XPO7: variants seen among roughly 807,000 people sequenced by gnomAD.
XPO7 encodes exportin 7, also known as exportin-7.
A neutral mutation model predicts 144.3 loss-of-function variants in XPO7; 21 were observed. The ratio of observed to expected loss-of-function variants is 0.15; its 90% CI spans 0.10 to 0.21. XPO7 has a LOEUF of 0.21. Ranked by LOEUF, XPO7 falls within the 10% of genes least tolerant of loss-of-function variation. The probability of loss-of-function intolerance (pLI) is 1.00; values close to 1 mark genes in which losing one functional copy is unlikely to be tolerated. For synonymous variants in XPO7, 580 were observed against 499.6 expected, an observed-to-expected ratio of 1.16 and a Z score of -2.15; for missense variants, 808 against 1,325.8, an observed-to-expected ratio of 0.61 and a Z score of 6.06.
chr8:21,926,690 C>G (rs1810469730), intron 1 of XPO7, among the ~76,000 whole-genome samples: 4 of 151,680 alleles, frequency 2.6e-5, no homozygotes, highest in Non-Finnish European at 2.9e-5. Context: ...AAAGTTTGCT[C>G]TGAAAAAGAT....
chr8:21,991,709 A>G (rs148192324), intron 18 of XPO7, 159 bp from the exon 19 acceptor site: 21 of 522,612 alleles, frequency 4.0e-5, no homozygotes, highest in African/African-American at 3.6e-4. Flanking sequence ...GTTTCTATAT[A>G]TACATGTTGC....
intron 19 of XPO7, among the ~76,000 whole-genome samples, chr8:21,993,295 C>G (rs568215527): frequency 3.9e-4 from 59 of 152,318 alleles, no homozygotes; most frequent in African/African-American, 1.4e-3. Flanking sequence ...CTGTCACCCA[C>G]TTCTTTGTCA....
chr8:22,000,758 A>T (rs1386539645), intron 24 of XPO7, among the ~76,000 whole-genome samples: 1 of 152,116 alleles, frequency 6.6e-6, no homozygotes, highest in Non-Finnish European at 1.5e-5. Flanking sequence ...TGGCCCAACA[A>T]TCTTAGTAGG....
intron 2 of XPO7, among the ~76,000 whole-genome samples, chr8:21,968,012 T>C (rs1811941310): frequency 6.6e-6 from 1 of 152,210 alleles, no homozygotes; most frequent in Non-Finnish European, 1.5e-5. Context: ...AGTGCAGTCC[T>C]CATATTTTTC....
At chr8:21,939,567 C>A (rs1810926301) in intron 1 of XPO7, among the ~76,000 whole-genome samples, 1 of 152,158 alleles carries the variant, frequency 6.6e-6, no homozygotes, top group South Asian at 2.1e-4. Context: ...TTCCAACAAC[C>A]AAGTAATGAC....
chr8:21,928,867 C>G (rs190213027), intron 1 of XPO7, among the ~76,000 whole-genome samples: 1 of 152,148 alleles, frequency 6.6e-6, no homozygotes, highest in South Asian at 2.1e-4. Context: ...CTATGTATCC[C>G]GTATGGCTAT....
intron 1 of XPO7, among the ~76,000 whole-genome samples, chr8:21,920,122 G>T (rs1477251036): frequency 1.3e-5 from 1 of 78,018 alleles, no homozygotes; most frequent in African/African-American, 4.9e-5. Flanking sequence ...GGGCCCCCCC[G>T]CCCGCCCCCC....
intron 1 of XPO7, among the ~76,000 whole-genome samples, chr8:21,958,309 T>C (rs897529869): frequency 2.6e-5 from 4 of 152,068 alleles, no homozygotes; most frequent in Non-Finnish European, 5.9e-5. Context: ...TAGGGTTAGA[T>C]TCAGGCCAGC....
intron 21 of XPO7, among the ~76,000 whole-genome samples, 196 bp downstream of exon 21, chr8:21,995,795 A>C (rs999469444): frequency 3.3e-5 from 5 of 152,208 alleles, no homozygotes; most frequent in Admixed American, 6.5e-5. Context: ...AACTGCAGGA[A>C]ATAAGTCACT....
chr8:22,002,239 C>T lies in XPO7; in HGVS notation c.2910C>T (p.His970=). 6.2e-7 allele frequency: 1 copy of T among 1,613,158 alleles called. No individual in the cohort carries two copies. Among genetic ancestry groups the T allele is most frequent in the Non-Finnish European group, 8.5e-7 (1 of 1,179,574 alleles). ...ACCAGGAGAGCGACCGCTTTCTGCA[C>T]ATCATGCAGCAGCATCCAGAGATGA... The part of the protein sequence containing the change: ...PLNQESDRFL[H]IMQQHPEMIQ... Residue 970 remains histidine, a synonymous_variant, in exon 25 of 28, where the codon CAC becomes CAT. Transcript: ENST00000252512.
Position 21,976,434 on chromosome 8 carries a change from T to A in XPO7, c.676T>A (p.Cys226Ser). The change falls in exon 7 of 28, where the codon TGC becomes AGC. Residue 226 changes from cysteine to serine, a missense_variant. By Grantham distance (112) the Cys-to-Ser change is moderately radical. This residue lies in a region of XPO7 where 223 missense variants were observed against 368.8 expected (regional missense o/e 0.60). Coordinates refer to ENST00000252512, the MANE Select transcript of XPO7 (RefSeq NM_015024.5). Reference protein sequence around the residue: ...LMQLLKLTHNCLNFDFIGTST... With the variant: ...LMQLLKLTHNSLNFDFIGTST... ...GCAACTGCTCAAGCTCACTCATAAC[T>A]GCCTCAACTTTGACTTCATCGGCAC... 1.2e-6 allele frequency: 2 copies of A among 1,614,016 alleles called. No homozygotes were observed. The highest frequency in any genetic ancestry group is 1.7e-6 in the Non-Finnish European group (2 of 1,179,896).
chr8:21,974,619 T>A (rs138721565), intron 5 of XPO7, 51 bp from the exon 6 acceptor site: 2 of 1,347,472 alleles, frequency 1.5e-6, no homozygotes, highest in East Asian at 5.0e-5. Context: ...ACATGAAAAA[T>A]TCTTTTTTTG....
intron 1 of XPO7, among the ~76,000 whole-genome samples, chr8:21,939,788 C>T (rs1810935418): frequency 6.6e-6 from 1 of 152,160 alleles, no homozygotes; most frequent in South Asian, 2.1e-4. Context: ...AACATGCTTT[C>T]TGAGCTAAGC....
chr8:21,978,770 A>G (rs1223022391), intron 8 of XPO7, among the ~76,000 whole-genome samples: 2 of 152,136 alleles, frequency 1.3e-5, no homozygotes, highest in Admixed American at 6.5e-5. Flanking sequence ...GACAACAAGA[A>G]CTACAGCCAT....
chr8:22,003,256 A>C lies in XPO7; in HGVS notation c.2981A>C (p.Asp994Ala), dbSNP rs1320372061. The C allele has an allele frequency of 6.2e-7, 1 of 1,613,084 alleles. No homozygotes were observed. Among genetic ancestry groups the C allele is most frequent in the Non-Finnish European group, 8.5e-7 (1 of 1,179,620 alleles). ...STVLNIIIFE[D>A]CRNQWSMSRP... Reference sequence around the variant, plus strand: ...GTGCTGAACATCATCATCTTTGAAGACTGTAGGAACCAGTGGTCTATGTCC... The same window carrying C: ...GTGCTGAACATCATCATCTTTGAAGCCTGTAGGAACCAGTGGTCTATGTCC... The change falls in exon 26 of 28, where the codon GAC (aspartate) becomes GCC (alanine). Residue 994 changes from aspartate (D) to alanine (A), a missense_variant. Around this residue, in one of 5 missense-constraint regions of XPO7, gnomAD observed 140 missense variants for 237.9 expected, o/e 0.59. Transcript: ENST00000252512.
chr8:22,002,912 G>A (rs1170292506), intron 25 of XPO7: 1 of 222,670 alleles, frequency 4.5e-6, no homozygotes, highest in African/African-American at 2.3e-5. Context: ...CATGCAAGGT[G>A]GTTTTGCTTA....
chr8:22,004,218 T>C (rs1221464823), intron 27 of XPO7, among the ~76,000 whole-genome samples, 188 bp downstream of exon 27: 2 of 152,218 alleles, frequency 1.3e-5, no homozygotes, highest in Non-Finnish European at 1.5e-5. Flanking sequence ...ATTTAACCCA[T>C]TGTATCTAAA....
intron 27 of XPO7, among the ~76,000 whole-genome samples, chr8:22,004,707 T>C (rs1332410120): frequency 6.6e-6 from 1 of 151,916 alleles, no homozygotes; most frequent in African/African-American, 2.4e-5. Context: ...AGAAATGAGA[T>C]GGCTTCATTG....
At chr8:21,930,858 A>T (rs142296079) in intron 1 of XPO7, among the ~76,000 whole-genome samples, 136 of 152,276 alleles carry the variant, frequency 8.9e-4, no homozygotes, top group Admixed American at 5.2e-3. Flanking sequence ...AATATCTCAG[A>T]TGTCAGATAC....
Sources: gnomAD v4.1 joint callset for allele counts (sites outside exome capture counted in the v4.1 genomes callset) on GRCh38, gnomAD v4.1.1 for gene constraint, gnomAD v4.1.1 regional missense constraint, MANE v1.5 for transcripts, NCBI Gene and HGNC (gene_info 2026-07-23, HGNC 2026-07-21) for gene names.